Variants in CTNNA3 observed in about 807,000 individuals in gnomAD.
The protein encoded by CTNNA3 is catenin alpha 3, also known as catenin alpha-3.
Under a neutral mutation model 95.7 loss-of-function variants are expected in CTNNA3, and 76 were observed. That is an observed-to-expected ratio of 0.79 (90% CI 0.66 to 0.96). The LOEUF (loss-of-function observed/expected upper bound fraction) is 0.96, where lower values mean the gene tolerates loss of function less well. CTNNA3 is among the 40% of genes least tolerant of loss of function. The pLI is 0.00. For synonymous variants in CTNNA3, 431 were observed against 374.4 expected, an observed-to-expected ratio of 1.15 and a Z score of -1.74; for missense variants, 1,191 against 1,089.8, an observed-to-expected ratio of 1.09 and a Z score of -1.31.
chr10:66,440,843 G>A (rs933724332), intron 11 of CTNNA3, among the ~76,000 whole-genome samples: 1 of 152,138 alleles, frequency 6.6e-6, no homozygotes, highest in Middle Eastern at 3.2e-3. Context: ...CACACAATAA[G>A]TGCTAAATAA....
intron 2 of CTNNA3, among the ~76,000 whole-genome samples, chr10:67,645,591 T>C (rs1839680267): frequency 6.6e-6 from 1 of 152,154 alleles, no homozygotes; most frequent in South Asian, 2.1e-4. Flanking sequence ...AACTTGGTGA[T>C]ATGTATGAAA....
At chr10:66,016,599 G>C (rs745878147) in intron 15 of CTNNA3, among the ~76,000 whole-genome samples, 1 of 152,122 alleles carries the variant, frequency 6.6e-6, no homozygotes, top group Non-Finnish European at 1.5e-5. Flanking sequence ...TGTCTAAAGA[G>C]TGAGTCTAAT....
chr10:67,130,777 C>A (rs1859960309), intron 7 of CTNNA3, among the ~76,000 whole-genome samples: 1 of 152,076 alleles, frequency 6.6e-6, no homozygotes, highest in South Asian at 2.1e-4. Context: ...GAACCTGTCC[C>A]ACAGCAGAAG....
chr10:66,039,873 A>G (rs989588446), intron 15 of CTNNA3, among the ~76,000 whole-genome samples: 4 of 152,148 alleles, frequency 2.6e-5, no homozygotes, highest in African/African-American at 9.6e-5. Flanking sequence ...AGCAAATGGG[A>G]TCTAACTAAA....
chr10:66,264,037 T>C (rs2091083697), intron 13 of CTNNA3, among the ~76,000 whole-genome samples: 1 of 151,942 alleles, frequency 6.6e-6, no homozygotes, highest in Non-Finnish European at 1.5e-5. Context: ...TATTTTCTGC[T>C]CTAATATACC....
At chr10:66,020,185 T>A (rs142666413) in intron 15 of CTNNA3, among the ~76,000 whole-genome samples, 20 of 152,286 alleles carry the variant, frequency 1.3e-4, no homozygotes, top group African/African-American at 4.3e-4. Context: ...GCTTATAAGA[T>A]CAATTTTAAT....
intron 6 of CTNNA3, among the ~76,000 whole-genome samples, chr10:67,180,917 A>T (rs10997553): frequency 0.075 from 11,376 of 152,234 alleles, 607 homozygotes; most frequent in African/African-American, 0.15. Flanking sequence ...TTACAATAGT[A>T]ACTTTTATAG....
intron 9 of CTNNA3, among the ~76,000 whole-genome samples, chr10:66,713,248 T>C (rs1564634312): frequency 6.6e-6 from 1 of 152,166 alleles, no homozygotes; most frequent in Non-Finnish European, 1.5e-5. Context: ...TCTGGCAATA[T>C]TCAATAGCAG....
intron 5 of CTNNA3, among the ~76,000 whole-genome samples, chr10:67,361,708 T>C (rs990188213): frequency 2.0e-4 from 30 of 151,908 alleles, no homozygotes; most frequent in African/African-American, 6.8e-4. Flanking sequence ...ATTGCAACTA[T>C]GGGAACTAGA....
At chr10:66,619,871 A>C (rs1352976210) in intron 10 of CTNNA3, among the ~76,000 whole-genome samples, 1 of 152,122 alleles carries the variant, frequency 6.6e-6, no homozygotes. Context: ...GTATATATGA[A>C]CATGTGTATA....
chr10:66,466,373 C>CACACACACACACACACAA (rs1222364133), intron 11 of CTNNA3, among the ~76,000 whole-genome samples: 12 of 150,734 alleles, frequency 8.0e-5, no homozygotes, highest in African/African-American at 2.9e-4. Context: ...CACACACACA[C>CACACACACACACACACAA]AATCTATTGG....
intron 13 of CTNNA3, among the ~76,000 whole-genome samples, chr10:66,124,418 C>A (rs1354871553): frequency 1.3e-5 from 2 of 152,192 alleles, no homozygotes; most frequent in Non-Finnish European, 2.9e-5. Context: ...TTCAACAAGT[C>A]TATAGGGTGT....
At chr10:67,666,341 TA>T (rs1404403812) in intron 1 of CTNNA3, among the ~76,000 whole-genome samples, 1 of 152,190 alleles carries the variant, frequency 6.6e-6, no homozygotes, top group East Asian at 1.9e-4. Context: ...GAGATTCACG[TA>T]TTTTCCCCCT....
At chr10:66,616,723 G>A (rs772073983) in intron 10 of CTNNA3, among the ~76,000 whole-genome samples, 1 of 151,872 alleles carries the variant, frequency 6.6e-6, no homozygotes, top group African/African-American at 2.4e-5. Context: ...GAAACTCAGG[G>A]CCACCCTATT....
At chr10:66,537,329 C>G (rs577229594) in intron 10 of CTNNA3, among the ~76,000 whole-genome samples, 1 of 152,236 alleles carries the variant, frequency 6.6e-6, no homozygotes, top group South Asian at 2.1e-4. Context: ...GCATAGAGTT[C>G]ACTCACATTC....
At chr10:66,466,784 C>T (rs543033027) in intron 11 of CTNNA3, among the ~76,000 whole-genome samples, 14 of 152,150 alleles carry the variant, frequency 9.2e-5, no homozygotes, top group Non-Finnish European at 1.3e-4. Flanking sequence ...CCTAGACCTA[C>T]TGAATCAAAA....
rs568739954 is a variant in CTNNA3 at position 67,429,022 on chromosome 10, A to C, written c.579+92820T>G. 4.6e-5 allele frequency among the ~76,000 whole-genome samples: 7 copies of C among 152,066 alleles called. No homozygotes were observed. In the East Asian group the frequency reaches 9.7e-4, roughly 21 times the overall value. ...AACCCTAATACACTAATACAGTGAC[A>C]CTTTCTTTACTCCTGCAAACCTCAA... On this transcript the variant is annotated intron_variant, in intron 5 of 17. Coordinates refer to ENST00000433211, the MANE Select transcript of CTNNA3 (RefSeq NM_013266.4).
At chr10:67,726,313 TTATA>T (rs1284471881) in intron 1 of CTNNA3, among the ~76,000 whole-genome samples, 1 of 91,746 alleles carries the variant, frequency 1.1e-5, no homozygotes, top group African/African-American at 4.9e-5. Context: ...ATCTTACATA[TTATA>T]TATATTATCT....
intron 5 of CTNNA3, among the ~76,000 whole-genome samples, chr10:67,308,782 T>C (rs952796348): frequency 1.3e-5 from 2 of 152,156 alleles, no homozygotes; most frequent in African/African-American, 2.4e-5. Context: ...GTTAAGGACA[T>C]TGGGAGCCAG....
Sources: allele counts gnomAD v4.1 joint callset (sites outside exome capture counted in the v4.1 genomes callset), GRCh38; gene constraint gnomAD v4.1.1; transcripts MANE v1.5; gene names NCBI Gene and HGNC (gene_info 2026-07-23, HGNC 2026-07-21).